The following SLC37A1 variants were observed in gnomAD, a reference collection of about 807,000 sequenced individuals.
The protein encoded by SLC37A1 is glucose-6-phosphate exchanger SLC37A1.
SLC37A1 carries 49 observed loss-of-function variants against 75.3 expected under a neutral mutation model. That is an observed-to-expected ratio of 0.65 (90% confidence interval 0.52 to 0.83). The LOEUF is 0.83. SLC37A1 is among the 40% of genes least tolerant of loss of function. The pLI, the probability that SLC37A1 is intolerant of heterozygous loss-of-function variation, is 0.00. For synonymous variants in SLC37A1, 268 were observed against 292.1 expected (o/e 0.92, Z 0.84); for missense variants, 566 against 695.0 (o/e 0.81, Z 2.09).
chr21:42,530,656 C>CACACACA (rs1568997149), intron 3 of SLC37A1, among the ~76,000 whole-genome samples: 310 of 23,470 alleles, frequency 0.013, 11 homozygotes, highest in African/African-American at 0.026. Context: ...ACACACACAC[C>CACACACA]CCCTCTGTGT....
chr21:42,526,531 G>T (rs895322025), intron 3 of SLC37A1, among the ~76,000 whole-genome samples: 9 of 152,128 alleles, frequency 5.9e-5, no homozygotes, highest in Admixed American at 3.3e-4. Context: ...TCACTCTCCG[G>T]GAGTTGGCAG....
rs2146896684 is a variant in SLC37A1 at position 42,545,122 on chromosome 21, T to C, written c.730+1520T>C. On this transcript the variant is annotated intron_variant, in intron 8 of 19. Coordinates refer to ENST00000352133, the MANE Select transcript of SLC37A1 (RefSeq NM_001320537.2). The surrounding 1 kb of genome is among the most constrained non-coding windows in gnomAD (Gnocchi z 4.0). ...TGTGAATAAGCCTCCCTGATCCAAT[T>C]TGGGCAGATAGCAATGAGCCAGATG... 6.6e-6 allele frequency among the ~76,000 whole-genome samples: 1 copy of C among 152,274 alleles called. No individual in the cohort carries two copies. The highest frequency in any genetic ancestry group is 1.5e-5 in the Non-Finnish European group (1 of 68,018).
At chr21:42,542,276 T>C (rs1191871025) in intron 6 of SLC37A1, 128 bp from the exon 7 acceptor site, 2 of 621,846 alleles carry the variant, frequency 3.2e-6, no homozygotes, top group East Asian at 2.9e-5. Context: ...AAATATAAAA[T>C]TGACAGTCCA....
At chr21:42,553,073 T>A (rs1601733711) in intron 9 of SLC37A1, among the ~76,000 whole-genome samples, 1 of 151,454 alleles carries the variant, frequency 6.6e-6, no homozygotes, top group African/African-American at 2.4e-5. Context: ...ATGTAAAGGG[T>A]GGGATCCAAC....
chr21:42,523,530 T>G (rs1181804654), intron 2 of SLC37A1, among the ~76,000 whole-genome samples: 1 of 152,242 alleles, frequency 6.6e-6, no homozygotes, highest in Non-Finnish European at 1.5e-5. Flanking sequence ...GAGACTTTCT[T>G]TCCTTGCCAG....
intron 2 of SLC37A1, chr21:42,502,517 G>C (rs534316473): frequency 6.6e-6 from 1 of 152,300 alleles, no homozygotes; most frequent in East Asian, 1.9e-4. Flanking sequence ...GAGAAGATAA[G>C]CATTTTTCCC....
chr21:42,555,038 T>C (rs139315783), intron 10 of SLC37A1, among the ~76,000 whole-genome samples: 18,540 of 147,402 alleles, frequency 0.13, 1,565 homozygotes, highest in African/African-American at 0.23. Context: ...CAGTCTGGAG[T>C]GCAGTGGCAT....
chr21:42,574,667 C>A, intron 17 of SLC37A1, 151 bp from the exon 18 acceptor site: 1 of 688,986 alleles, frequency 1.5e-6, no homozygotes. Context: ...TGTACCCGCT[C>A]CCAATCTGAT....
chr21:42,500,463 T>G (rs1224617708), intron 1 of SLC37A1, among the ~76,000 whole-genome samples: 2 of 152,160 alleles, frequency 1.3e-5, no homozygotes, highest in African/African-American at 4.8e-5. Context: ...AATTAGATAT[T>G]CATAATGAGA....
At chr21:42,536,462 C>T (rs1374371804) in intron 5 of SLC37A1, among the ~76,000 whole-genome samples, 1 of 152,154 alleles carries the variant, frequency 6.6e-6, no homozygotes, top group South Asian at 2.1e-4. Context: ...GCTATTGTGT[C>T]AGTCCAGCCA....
intron 17 of SLC37A1, among the ~76,000 whole-genome samples, chr21:42,570,145 G>T (rs1373011435): frequency 1.9e-5 from 2 of 107,952 alleles, no homozygotes; most frequent in African/African-American, 5.8e-5. Context: ...CACACGGCCT[G>T]GTTCTGAGAA....
chr21:42,561,845 G>T, intron 11 of SLC37A1: 2 of 487,708 alleles, frequency 4.1e-6, no homozygotes, highest in Non-Finnish European at 7.3e-6. Context: ...CCTTCTCAGA[G>T]GCCCCGCCCC....
chr21:42,516,442 T>G (rs1025472805), intron 1 of SLC37A1, among the ~76,000 whole-genome samples: 2 of 152,182 alleles, frequency 1.3e-5, no homozygotes, highest in Non-Finnish European at 2.9e-5. Context: ...TCAGTCATGG[T>G]TCGTGCTTCC....
Position 42,562,146 on chromosome 21 carries a change from GC to G in SLC37A1, c.1054del (p.Leu352CysfsTer34). ...LVSYTFLFWL[P>X]LYITNVDHLD... ...TCAGCTATACTTTCCTCTTCTGGCT[GC>G]CCCTGTACATCACGAATGTGGGTGA... On this transcript the variant is annotated frameshift_variant, in exon 12 of 20. Transcript: ENST00000352133. LOFTEE classifies it high-confidence loss of function. The G allele has an allele frequency of 6.2e-7, 1 of 1,614,180 alleles. No homozygotes were observed. Among genetic ancestry groups the G allele is most frequent in the Non-Finnish European group, 8.5e-7 (1 of 1,180,020 alleles).
chr21:42,516,047 C>T (rs944949527), intron 1 of SLC37A1, among the ~76,000 whole-genome samples: 6 of 152,322 alleles, frequency 3.9e-5, no homozygotes, highest in African/African-American at 1.4e-4. Flanking sequence ...GCATGAGCCA[C>T]CATGCCTGGC....
intron 17 of SLC37A1, among the ~76,000 whole-genome samples, chr21:42,570,753 C>G (rs2056138996): frequency 6.6e-6 from 1 of 152,194 alleles, no homozygotes; most frequent in Non-Finnish European, 1.5e-5. Context: ...TCTTCATATT[C>G]TCAAAATGAG....
rs1368384845 is a variant in SLC37A1, at chr21:42,568,342, G to A, written c.1345-18G>A. On this transcript the variant is annotated intron_variant, in intron 16 of 19. Coordinates refer to ENST00000352133, the MANE Select transcript of SLC37A1 (RefSeq NM_001320537.2). ...ATGCTGTGGCGATAACTGCACGTCT[G>A]TTTTTCCTCTCTTCTAGGGGACTCA... The A allele has an allele frequency of 1.2e-6, 2 of 1,610,162 alleles. No individual in the cohort carries two copies.
intron 18 of SLC37A1, chr21:42,575,580 G>T: frequency 2.0e-6 from 2 of 985,122 alleles, no homozygotes; most frequent in Non-Finnish European, 2.4e-6. Context: ...TCACATAGAT[G>T]TGCAGCTGTG....
In SLC37A1 at chr21:42,518,079, C is replaced by T. The variant is rs562910103; in HGVS notation, c.-178-198C>T. 2.6e-5 allele frequency among the ~76,000 whole-genome samples: 4 copies of T among 152,298 alleles called. No homozygotes were observed. The South Asian group carries it at 8.3e-4, about 32-fold the overall frequency. Reference sequence around the variant, plus strand: ...TCATTTCCAGGTTCTCAGAACAAACCGCCTCAAGGGTAGATACTCCACCTC... The same window carrying T: ...TCATTTCCAGGTTCTCAGAACAAACTGCCTCAAGGGTAGATACTCCACCTC... On this transcript the variant is annotated intron_variant, in intron 1 of 19. Coordinates refer to ENST00000352133, the MANE Select transcript of SLC37A1 (RefSeq NM_001320537.2).
Sources: gnomAD v4.1 joint callset for allele counts (sites outside exome capture counted in the v4.1 genomes callset) on GRCh38, gnomAD v4.1.1 for gene constraint, Gnocchi (gnomAD v3.1) non-coding constraint, MANE v1.5 for transcripts, NCBI Gene and HGNC (gene_info 2026-07-23, HGNC 2026-07-21) for gene names.